Variants in TLN2 observed in about 807,000 individuals in gnomAD.
TLN2 encodes the protein talin-2.
In TLN2, 118 loss-of-function variants were observed where a neutral mutation model predicts 294.7. That is an observed-to-expected ratio of 0.40 (90% CI 0.34 to 0.47). The LOEUF (loss-of-function observed/expected upper bound fraction) is 0.47, where lower values mean the gene tolerates loss of function less well. TLN2 is among the 20% of genes least tolerant of loss of function. The pLI, the probability that TLN2 is intolerant of heterozygous loss-of-function variation, is 0.84. For synonymous variants in TLN2, 1,431 were observed against 1,304.5 expected (o/e 1.10, Z -2.09); for missense variants, 3,083 against 3,282.2 (o/e 0.94, Z 1.48).
At chr15:62,612,950 C>T (rs575376780) in intron 2 of TLN2, among the ~76,000 whole-genome samples, 68 of 152,296 alleles carry the variant, frequency 4.5e-4, no homozygotes, top group African/African-American at 1.6e-3. Flanking sequence ...AGATAGTTCA[C>T]AGGATTATGT....
At chr15:62,498,978 G>C (rs1464246919) in intron 1 of TLN2, among the ~76,000 whole-genome samples, 1 of 152,198 alleles carries the variant, frequency 6.6e-6, no homozygotes, top group African/African-American at 2.4e-5. Flanking sequence ...TTAATGACTA[G>C]TGAAAGACCA....
intron 1 of TLN2, among the ~76,000 whole-genome samples, chr15:62,464,576 A>ATT (rs2037005614): frequency 2.0e-5 from 3 of 151,840 alleles, no homozygotes; most frequent in African/African-American, 7.3e-5. Flanking sequence ...GTATATTTAA[A>ATT]AAAAAAAAAG....
intron 1 of TLN2, among the ~76,000 whole-genome samples, chr15:62,545,126 G>T (rs1014561333): frequency 4.0e-5 from 6 of 150,730 alleles, no homozygotes; most frequent in African/African-American, 1.5e-4. Flanking sequence ...TTTTAGTAGA[G>T]ACGGGGTTTC....
intron 1 of TLN2, among the ~76,000 whole-genome samples, chr15:62,526,061 A>T (rs1480366820): frequency 6.6e-6 from 1 of 151,794 alleles, no homozygotes; most frequent in Admixed American, 6.6e-5. Flanking sequence ...TTATATATTT[A>T]TTATTTTTTC....
chr15:62,757,458 A>G (rs2062357259), intron 37 of TLN2, among the ~76,000 whole-genome samples: 1 of 152,216 alleles, frequency 6.6e-6, no homozygotes, highest in Non-Finnish European at 1.5e-5. Flanking sequence ...GTTAAAAAAC[A>G]TTATATTTAG....
intron 1 of TLN2, among the ~76,000 whole-genome samples, chr15:62,391,606 C>T (rs879828068): frequency 2.5e-4 from 37 of 148,716 alleles, no homozygotes; most frequent in Non-Finnish European, 4.9e-4. Flanking sequence ...GCGCCCCAGT[C>T]GGAGAGGCCT....
At chr15:62,524,258 T>C (rs1295716439) in intron 1 of TLN2, among the ~76,000 whole-genome samples, 1 of 152,208 alleles carries the variant, frequency 6.6e-6, no homozygotes, top group African/African-American at 2.4e-5. Context: ...TTTAGTTTAG[T>C]TCATAAACTA....
intron 5 of TLN2, 97 bp from the exon 6 acceptor site, chr15:62,651,908 C>G: frequency 1.5e-6 from 2 of 1,374,934 alleles, no homozygotes; most frequent in Non-Finnish European, 1.9e-6. Flanking sequence ...AGAGTCTACT[C>G]TGATTTTTTT....
intron 3 of TLN2, chr15:62,640,420 G>A (rs1245118018): frequency 1.6e-5 from 7 of 451,200 alleles, no homozygotes; most frequent in Non-Finnish European, 2.7e-5. Context: ...AGACCTCCAC[G>A]GCCCCATTGA....
At chr15:62,529,607 G>A (rs529122222) in intron 1 of TLN2, among the ~76,000 whole-genome samples, 26 of 149,572 alleles carry the variant, frequency 1.7e-4, no homozygotes, top group African/African-American at 6.2e-4. Flanking sequence ...GGGTGGATAA[G>A]TAGGGAAAAT....
chr15:62,706,009 G>A (rs1468095272), intron 19 of TLN2, among the ~76,000 whole-genome samples: 1 of 152,192 alleles, frequency 6.6e-6, no homozygotes, highest in Admixed American at 6.5e-5. Flanking sequence ...AATTGTGCAG[G>A]CTGAATATTA....
At chr15:62,625,613 C>T (rs562512923) in intron 3 of TLN2, among the ~76,000 whole-genome samples, 2 of 152,128 alleles carry the variant, frequency 1.3e-5, no homozygotes, top group South Asian at 2.1e-4. Context: ...TGCACGCAGG[C>T]GAGGGCTGGG....
chr15:62,393,831 G>C (rs1342953337), intron 1 of TLN2, among the ~76,000 whole-genome samples: 3 of 145,538 alleles, frequency 2.1e-5, no homozygotes, highest in African/African-American at 7.6e-5. Context: ...ATCGTGCTTT[G>C]TTGCCTCTTG....
Position 62,829,061 on chromosome 15 carries a change from C to G in TLN2, c.7003-4443C>G, listed in dbSNP as rs139257266. On this transcript the variant is annotated intron_variant, in intron 54 of 58. Transcript: ENST00000636159. ...TCTTTAACCAGATCCTCAGGTGATT[C>G]TGCAGTGAGGGCTATCCATTTATTT... The G allele has an allele frequency of 1.1e-4, 17 of 151,934 alleles. No individual in the cohort carries two copies. The East Asian group carries it at 3.3e-3, about 29-fold the overall frequency. 9.4% of individuals were successfully genotyped at this position (151,934 alleles called of 1,614,324 possible). A position where few individuals can be genotyped will look rare whatever the true frequency, so the allele number is the denominator to read the frequency against.
chr15:62,823,786 G>A lies in TLN2; in HGVS notation c.7002+3176G>A, dbSNP rs202235596. Among the ~76,000 whole-genome samples, 4 of 152,188 alleles carry A rather than the reference G, an allele frequency of 2.6e-5. No individual in the cohort carries two copies. In the East Asian group the frequency reaches 7.7e-4, roughly 29 times the overall value. ...CCTGGGGAGATGAGAATGTCAGTGA[G>A]CGCTGGTGCATGTGCTGACAGTATT... is the stretch of plus-strand genomic sequence containing the variant. On this transcript the variant is annotated intron_variant, in intron 54 of 58. Coordinates refer to ENST00000636159, the MANE Select transcript of TLN2 (RefSeq NM_015059.3).
chr15:62,834,395 T>C (rs1266406595), intron 55 of TLN2: 1 of 152,120 alleles, frequency 6.6e-6, no homozygotes, highest in Non-Finnish European at 1.5e-5. Flanking sequence ...TCATTGTCAT[T>C]CATTTCTGTT....
intron 3 of TLN2, among the ~76,000 whole-genome samples, chr15:62,626,907 T>A (rs1416119396): frequency 1.3e-5 from 2 of 151,898 alleles, no homozygotes; most frequent in African/African-American, 2.4e-5. Context: ...ACTTGAGGAG[T>A]GTAGGGTTAG....
chr15:62,420,116 T>G (rs2034307468), intron 1 of TLN2, among the ~76,000 whole-genome samples: 1 of 152,220 alleles, frequency 6.6e-6, no homozygotes, highest in African/African-American at 2.4e-5. Flanking sequence ...AAATTAAAAG[T>G]GCTGACTTAC....
chr15:62,613,834 T>A (rs1234123734), intron 2 of TLN2, among the ~76,000 whole-genome samples: 9 of 138,924 alleles, frequency 6.5e-5, no homozygotes, highest in African/African-American at 1.1e-4. Context: ...ATAATTATGC[T>A]AAGTAATGAA....
Sources: allele counts gnomAD v4.1 joint callset (sites outside exome capture counted in the v4.1 genomes callset), GRCh38; gene constraint gnomAD v4.1.1; transcripts MANE v1.5; gene names NCBI Gene and HGNC (gene_info 2026-07-23, HGNC 2026-07-21).